The following VEGFB variants were observed in gnomAD, a reference collection of about 807,000 sequenced individuals.
VEGFB encodes the protein vascular endothelial growth factor B.
Under a neutral mutation model 22.5 loss-of-function variants are expected in VEGFB, and 24 were observed. The ratio of observed to expected loss-of-function variants is 1.07; its 90% confidence interval spans 0.77 to 1.50. The LOEUF (loss-of-function observed/expected upper bound fraction) is 1.50, where lower values mean the gene tolerates loss of function less well. Among genes scored for constraint, VEGFB ranks in the 40% most tolerant of loss-of-function variants. VEGFB has a pLI of 0.00. For synonymous variants in VEGFB, 141 were observed against 117.4 expected (o/e 1.20, Z -1.30); for missense variants, 327 against 287.8 (o/e 1.14, Z -0.99).
chr11:64,234,646 C>T lies in VEGFB; in HGVS notation c.-188C>T, dbSNP rs1947225990. 3.4e-5 allele frequency: 5 copies of T among 148,126 alleles called. No individual in the cohort carries two copies. In the Admixed American group the frequency reaches 3.4e-4, roughly 10 times the overall value. The allele number at this position is 148,126 out of a possible 1,614,324, so 9.2% of individuals were successfully genotyped here. The stretch of plus-strand genomic sequence containing the variant: ...CCGCCCGCCCGGCTCCTCCGGCCGC[C>T]TCCGCTGCGCTGCGCTGCGCTGCCT... On this transcript the variant is annotated 5_prime_UTR_variant, in exon 1 of 7. Transcript: ENST00000309422. This position sits in a 1 kb window ranked among gnomAD's most constrained non-coding sequence, Gnocchi z 5.3.
intron 2 of VEGFB, 24 bp downstream of exon 2, chr11:64,235,524 C>T: frequency 1.2e-6 from 2 of 1,612,558 alleles, no homozygotes; most frequent in Non-Finnish European, 1.7e-6. Flanking sequence ...AAACTCGGCA[C>T]TAGCCAGCAC....
chr11:64,237,369 C>A (rs1210052287), intron 5 of VEGFB, 51 bp from the exon 6 acceptor site: 1 of 1,538,996 alleles, frequency 6.5e-7, no homozygotes, highest in East Asian at 2.3e-5. Flanking sequence ...GACCCCAGCT[C>A]TAGGGAAGAC....
At position 64,238,336 on chromosome 11, in the gene VEGFB, A is replaced by G; in HGVS notation, c.*23-20A>G. 3.9e-6 allele frequency: 6 copies of G among 1,536,058 alleles called. No homozygotes were observed. The highest frequency in any genetic ancestry group is 3.3e-4 in the Middle Eastern group (2 of 5,990). ...GCTGCGCTCCAGCCAGCATGAACAG[A>G]TCACTTCCTCCCTCCTCAGGTGCCG... is the stretch of plus-strand genomic sequence containing the variant. On this transcript the variant is annotated intron_variant, in intron 6 of 6. Coordinates refer to ENST00000309422, the MANE Select transcript of VEGFB (RefSeq NM_003377.5).
chr11:64,235,005 T>C, intron 1 of VEGFB, 112 bp downstream of exon 1: 1 of 936,480 alleles, frequency 1.1e-6, no homozygotes, highest in Non-Finnish European at 1.4e-6. Flanking sequence ...GGGTCCGGCC[T>C]TGGACGCGGG....
intron 4 of VEGFB, among the ~76,000 whole-genome samples, chr11:64,236,895 A>G (rs968035895): frequency 1.3e-5 from 2 of 148,248 alleles, no homozygotes; most frequent in Non-Finnish European, 3.0e-5. Context: ...CCTGGCCAAC[A>G]TGGTGAAACC....
At position 64,234,761 on chromosome 11, in the gene VEGFB, G is replaced by GGTT; in HGVS notation, c.-72_-71insTTG. 2 of 666,170 alleles carry GGTT rather than the reference G, an allele frequency of 3.0e-6. No individual in the cohort carries two copies. 41.3% of individuals were successfully genotyped at this position (666,170 alleles called of 1,614,324 possible). A position where few individuals can be genotyped will look rare whatever the true frequency, so the allele number is the denominator to read the frequency against. ...GCCCGGGCCCGCGCCATGGGGCTCT[G>GGTT]GCTGTCGCCGCCCCCCGCGCCGCCG... On this transcript the variant is annotated 5_prime_UTR_variant, in exon 1 of 7. Transcript: ENST00000309422. This position sits in a 1 kb window ranked among gnomAD's most constrained non-coding sequence, Gnocchi z 5.3.
chr11:64,238,210 C>T, intron 6 of VEGFB, 146 bp from the exon 7 acceptor site: 1 of 1,002,194 alleles, frequency 1.0e-6, no homozygotes, highest in South Asian at 1.5e-5. Context: ...AAAGGTTCAT[C>T]CTTCGCCCTG....
At chr11:64,235,048 G>A (rs148148688) in intron 1 of VEGFB, among the ~76,000 whole-genome samples, 155 bp downstream of exon 1, 13 of 152,022 alleles carry the variant, frequency 8.6e-5, no homozygotes, top group African/African-American at 3.1e-4. Context: ...CATCCCCTGG[G>A]AGGTGCCCCT....
chr11:64,237,128 A>C (rs2030143837), intron 4 of VEGFB, 59 bp from the exon 5 acceptor site: 1 of 1,201,414 alleles, frequency 8.3e-7, no homozygotes, highest in Non-Finnish European at 1.2e-6. Flanking sequence ...AGAGAGTAGG[A>C]TGCTGGGATT....
At chr11:64,235,107 C>G (rs1327483646) in intron 1 of VEGFB, among the ~76,000 whole-genome samples, 3 of 152,120 alleles carry the variant, frequency 2.0e-5, no homozygotes, top group African/African-American at 7.2e-5. Context: ...CCGCCCCACC[C>G]CGTCCCCTGG....
intron 6 of VEGFB, 107 bp downstream of exon 6, chr11:64,237,762 CTG>C (rs1302901707): frequency 2.9e-6 from 3 of 1,046,394 alleles, no homozygotes; most frequent in African/African-American, 3.2e-5. Flanking sequence ...GAAGGGGAAA[CTG>C]TTGAATGTGT....
At position 64,237,189 on chromosome 11, in the gene VEGFB, C is replaced by CT; in HGVS notation, c.378dup (p.Lys127Ter). 2 of 1,603,064 alleles carry CT rather than the reference C, an allele frequency of 1.2e-6. No individual in the cohort carries two copies. Among genetic ancestry groups the CT allele is most frequent in the South Asian group, 2.2e-5 (2 of 89,424 alleles). ...TGTCTGTCTATCTTACTTTTCAGAC[C>CT]TAAAAAAAAGGACAGTGCTGTGAAG... On this transcript the variant is annotated frameshift_variant, in exon 5 of 7. Coordinates refer to ENST00000309422, the MANE Select transcript of VEGFB (RefSeq NM_003377.5). LOFTEE classifies it high-confidence loss of function.
rs1465110594 is a variant in VEGFB at position 64,235,772 on chromosome 11, G to A, written c.104-41G>A. 2.5e-6 allele frequency: 4 copies of A among 1,610,008 alleles called. No homozygotes were observed. In the Admixed American group the frequency reaches 6.7e-5, roughly 27 times the overall value. On this transcript the variant is annotated intron_variant, in intron 2 of 6. Transcript: ENST00000309422. Reference sequence around the variant, plus strand: ...GGACAGATGCTGGGAGCAGCTGCAGGAAAACCAGTGAGGACTTAACCCCTA... The same window carrying A: ...GGACAGATGCTGGGAGCAGCTGCAGAAAAACCAGTGAGGACTTAACCCCTA...
rs1199575898 is a variant in VEGFB at position 64,237,918 on chromosome 11, C to A, written c.*22+263C>A. On this transcript the variant is annotated intron_variant, in intron 6 of 6. Coordinates refer to ENST00000309422, the MANE Select transcript of VEGFB (RefSeq NM_003377.5). The stretch of plus-strand genomic sequence containing the variant: ...GTGAGGGGTACCTGGCCTCGTCTTT[C>A]AGAGGTCAGAGATCTCTTGGAGGAG... 8 of 499,460 alleles carry A rather than the reference C, an allele frequency of 1.6e-5. No homozygotes were observed. In the East Asian group the frequency reaches 2.5e-4, roughly 16 times the overall value. 30.9% of individuals were successfully genotyped at this position (499,460 alleles called of 1,614,324 possible). A position where few individuals can be genotyped will look rare whatever the true frequency, so the allele number is the denominator to read the frequency against.
rs59541656 is a variant in VEGFB at position 64,237,085 on chromosome 11, A to AAGAGAGAG, written c.375-71_375-64dup. Reference sequence around the variant, plus strand: ...GCAAGAAGAGGGAAACACAGTCTCAAAGAGAGAGAGAGAGAGAGAGAGAGA... The same window carrying AAGAGAGAG: ...GCAAGAAGAGGGAAACACAGTCTCAAAGAGAGAGAGAGAGAGAGAGAGAGAGAGAGAGA... On this transcript the variant is annotated intron_variant, in intron 4 of 6. Transcript: ENST00000309422. The AAGAGAGAG allele has an allele frequency of 1.1e-3, 673 of 604,454 alleles. 22 individuals are homozygous for AAGAGAGAG. In the African/African-American group the frequency reaches 0.014, roughly 13 times the overall value. 37.4% of individuals were successfully genotyped at this position (604,454 alleles called of 1,614,324 possible). A position where few individuals can be genotyped will look rare whatever the true frequency, so the allele number is the denominator to read the frequency against.
intron 2 of VEGFB, 65 bp from the exon 3 acceptor site, chr11:64,235,748 G>A: frequency 6.3e-7 from 1 of 1,583,932 alleles, no homozygotes; most frequent in Non-Finnish European, 8.6e-7. Context: ...GACTGGGGAG[G>A]ACAGATGCTG....
rs939644323 is a variant in VEGFB at position 64,239,067 on chromosome 11, G to A, written c.*734G>A. On this transcript the variant is annotated 3_prime_UTR_variant, in exon 7 of 7. Coordinates refer to ENST00000309422, the MANE Select transcript of VEGFB (RefSeq NM_003377.5). ...CTTTTCTAGAAGGAGACAGCCTTCT[G>A]TGGCCAGAGAGCTTGGGGTAGGACC... 6.6e-5 allele frequency among the ~76,000 whole-genome samples: 10 copies of A among 152,168 alleles called. No homozygotes were observed. The highest frequency in any genetic ancestry group is 2.2e-4 in the African/African-American group (9 of 41,436).
Position 64,238,833 on chromosome 11 carries a change from G to T in VEGFB, c.*500G>T. 1 of 188,732 alleles carries T rather than the reference G, an allele frequency of 5.3e-6. No individual in the cohort carries two copies. The highest frequency in any genetic ancestry group is 9.4e-5 in the South Asian group (1 of 10,668). 11.7% of individuals were successfully genotyped at this position (188,732 alleles called of 1,614,324 possible). On this transcript the variant is annotated 3_prime_UTR_variant, in exon 7 of 7. Coordinates refer to ENST00000309422, the MANE Select transcript of VEGFB (RefSeq NM_003377.5). ...TGTTTGTCACTGTCCAGGCTGGCTG[G>T]TTTGGGCATGAATGTCTGCATCACT...
rs2030135554 is a variant in VEGFB, at chr11:64,237,120, AGAGTAGGATG to A, written c.375-66_375-57del. On this transcript the variant is annotated intron_variant, in intron 4 of 6. Transcript: ENST00000309422. The stretch of plus-strand genomic sequence containing the variant: ...GAGAGAGAGAGAGAGAGAGAGAGAG[AGAGTAGGATG>A]CTGGGATTTCCTGATCTTCCTCTTG... The A allele has an allele frequency of 4.1e-5, 40 of 966,570 alleles. 5 individuals are homozygous for A. Among genetic ancestry groups the A allele is most frequent in the South Asian group, 3.9e-4 (25 of 64,526 alleles). The allele number at this position is 966,570 out of a possible 1,614,324, so 59.9% of individuals were successfully genotyped here.
Sources: allele counts gnomAD v4.1 joint callset (sites outside exome capture counted in the v4.1 genomes callset), GRCh38; gene constraint gnomAD v4.1.1; non-coding constraint Gnocchi (gnomAD v3.1); transcripts MANE v1.5; gene names NCBI Gene and HGNC (gene_info 2026-07-23, HGNC 2026-07-21).